Variants in CNTNAP2 observed in about 807,000 individuals in gnomAD.
CNTNAP2 encodes contactin-associated protein-like 2.
CNTNAP2 carries 98 observed loss-of-function variants against 155.2 expected under a neutral mutation model. The observed-to-expected ratio is 0.63, with a 90% confidence interval of 0.54 to 0.75. The LOEUF is 0.75. Among genes scored for constraint, CNTNAP2 ranks in the 30% least tolerant of loss-of-function variants. CNTNAP2 has a pLI of 0.00. For missense variants in CNTNAP2, 1,727 were observed against 1,688.1 expected (o/e 1.02, Z -0.40); for synonymous variants, 651 against 631.2 (o/e 1.03, Z -0.47).
chr7:147,381,736 G>T (rs142446259), intron 9 of CNTNAP2, among the ~76,000 whole-genome samples: 2 of 151,732 alleles, frequency 1.3e-5, no homozygotes, highest in African/African-American at 2.4e-5. Flanking sequence ...TCAATTTTAC[G>T]TTCTTGTAAA....
In CNTNAP2 at chr7:148,146,239, G is replaced by A. The variant is rs966207620; in HGVS notation, c.2555-1252G>A. Among the ~76,000 whole-genome samples, 8 of 152,228 alleles carry A rather than the reference G, an allele frequency of 5.3e-5. 1 individual carries two copies. Among genetic ancestry groups the A allele is most frequent in the South Asian group, 4.1e-4 (2 of 4,836 alleles). ...AAGCTTATTGATGGACAGAGGGGCT[G>A]AATATCTTTATAAGCAAAGTTAGGC... On this transcript the variant is annotated intron_variant, in intron 16 of 23. Transcript: ENST00000361727.
At chr7:146,838,996 A>G (rs1480108428) in intron 2 of CNTNAP2, among the ~76,000 whole-genome samples, 1 of 152,146 alleles carries the variant, frequency 6.6e-6, no homozygotes, top group Non-Finnish European at 1.5e-5. Context: ...ATTGATCTAT[A>G]TGAGTGCCAT....
rs553364866 is a variant in CNTNAP2, at chr7:147,082,118, T to C, written c.551-26029T>C. 5 of 152,290 alleles carry C rather than the reference T, an allele frequency of 3.3e-5. No individual in the cohort carries two copies. In the East Asian group the frequency reaches 7.7e-4, roughly 24 times the overall value. 9.4% of individuals were successfully genotyped at this position (152,290 alleles called of 1,614,324 possible). ...GAAAAAAAAGAAAGGTAAAGGGTGT[T>C]GAATTCAGCCACTGGCTGGGCTTTG... is the stretch of plus-strand genomic sequence containing the variant. On this transcript the variant is annotated intron_variant, in intron 4 of 23. Transcript: ENST00000361727.
At chr7:147,329,714 C>T (rs1795522439) in intron 9 of CNTNAP2, among the ~76,000 whole-genome samples, 1 of 149,922 alleles carries the variant, frequency 6.7e-6, no homozygotes, top group South Asian at 2.2e-4. Flanking sequence ...ATGGTTCTTA[C>T]TTAGTATATC....
chr7:146,186,553 ATAACT>A (rs1374452541), intron 1 of CNTNAP2, among the ~76,000 whole-genome samples: 7 of 152,338 alleles, frequency 4.6e-5, no homozygotes, highest in South Asian at 2.1e-4. Context: ...ATAATTAAAA[ATAACT>A]TAATCACTTT....
chr7:146,897,974 CG>C (rs1290443057), intron 3 of CNTNAP2, among the ~76,000 whole-genome samples: 2 of 151,854 alleles, frequency 1.3e-5, no homozygotes, highest in Middle Eastern at 6.8e-3. Context: ...CAGTGAATGC[CG>C]TTTACAAATG....
chr7:147,143,510 C>A (rs528103564), intron 8 of CNTNAP2, among the ~76,000 whole-genome samples: 1 of 152,174 alleles, frequency 6.6e-6, no homozygotes, highest in East Asian at 1.9e-4. Flanking sequence ...CTTTGTCTGT[C>A]CACCTCTGAG....
chr7:147,050,160 TCAGTGAGCTTTCTCCCA>T (rs1799445994), intron 4 of CNTNAP2, among the ~76,000 whole-genome samples: 1 of 152,210 alleles, frequency 6.6e-6, no homozygotes, highest in East Asian at 1.9e-4. Flanking sequence ...GCCTTTTGAT[TCAGTGAGCTTTCTCCCA>T]CAGCGCAGAC....
At chr7:146,489,954 A>G (rs1377883574) in intron 1 of CNTNAP2, among the ~76,000 whole-genome samples, 1 of 152,186 alleles carries the variant, frequency 6.6e-6, no homozygotes, top group African/African-American at 2.4e-5. Context: ...TAAAAAACAA[A>G]TTAGGGAAAG....
At chr7:146,862,996 A>G (rs948542867) in intron 3 of CNTNAP2, among the ~76,000 whole-genome samples, 1 of 152,148 alleles carries the variant, frequency 6.6e-6, no homozygotes, top group East Asian at 1.9e-4. Flanking sequence ...TATTGGATTT[A>G]TATGTTCTTA....
intron 3 of CNTNAP2, among the ~76,000 whole-genome samples, chr7:146,915,044 A>G (rs1308511309): frequency 6.6e-6 from 1 of 152,092 alleles, no homozygotes; most frequent in Non-Finnish European, 1.5e-5. Context: ...GTGGCTTGTC[A>G]GTTATCCCAG....
At chr7:147,711,798 A>G (rs549362590) in intron 13 of CNTNAP2, among the ~76,000 whole-genome samples, 1 of 152,296 alleles carries the variant, frequency 6.6e-6, no homozygotes, top group South Asian at 2.1e-4. Context: ...TCTGCAACAT[A>G]AATACTGTAC....
At position 147,208,405 on chromosome 7, in the gene CNTNAP2, A is replaced by G. The variant is rs1022609628; in HGVS notation, c.1348+75896A>G. ...TCTCTTTATCCTCACTTCAGCTTCC[A>G]TAAGAGCATTTAAAGGTCAGGGAAG... On this transcript the variant is annotated intron_variant, in intron 8 of 23. Transcript: ENST00000361727. Among the ~76,000 whole-genome samples the G allele has an allele frequency of 2.6e-5, 4 of 152,116 alleles. 1 individual carries two copies. The highest frequency in any genetic ancestry group is 2.4e-5 in the African/African-American group (1 of 41,442).
chr7:147,571,857 T>A (rs913625173), intron 12 of CNTNAP2, among the ~76,000 whole-genome samples: 1 of 152,204 alleles, frequency 6.6e-6, no homozygotes, highest in African/African-American at 2.4e-5. Context: ...TCTCTCCTCT[T>A]TCTGTCTCCT....
At chr7:146,720,633 G>GAAGGCCTC (rs1321873470) in intron 1 of CNTNAP2, among the ~76,000 whole-genome samples, 7 of 152,012 alleles carry the variant, frequency 4.6e-5, no homozygotes, top group Admixed American at 2.0e-4. Context: ...ATAAAAAATA[G>GAAGGCCTC]AAATGACACC....
chr7:146,609,960 C>T (rs964588594), intron 1 of CNTNAP2, among the ~76,000 whole-genome samples: 6 of 152,202 alleles, frequency 3.9e-5, no homozygotes, highest in East Asian at 3.9e-4. Flanking sequence ...CCAGACACAG[C>T]GAATCAGAAA....
At chr7:147,601,702 A>T (rs1800950382) in intron 12 of CNTNAP2, among the ~76,000 whole-genome samples, 1 of 149,090 alleles carries the variant, frequency 6.7e-6, no homozygotes, top group African/African-American at 2.4e-5. Flanking sequence ...CATATCTAGA[A>T]ACAATTAATA....
intron 3 of CNTNAP2, among the ~76,000 whole-genome samples, chr7:146,901,870 CTTTTTT>C (rs71165048): frequency 2.3e-5 from 2 of 88,222 alleles, no homozygotes; most frequent in African/African-American, 4.2e-5. Context: ...ATATATGCTC[CTTTTTT>C]TTTTTTTTTT....
chr7:146,151,487 T>G lies in CNTNAP2; in HGVS notation c.97+34514T>G, dbSNP rs1053722687. Among the ~76,000 whole-genome samples, 5 of 150,504 alleles carry G rather than the reference T, an allele frequency of 3.3e-5. No individual in the cohort carries two copies. The East Asian group carries it at 5.9e-4, about 18-fold the overall frequency. On this transcript the variant is annotated intron_variant, in intron 1 of 23. Transcript: ENST00000361727. ...CATTTTATATATAAATGAGATCATGTGGTTTTTGTCTTCCTGTGCCTGGAT... is the reference window on the plus strand; with the variant it reads ...CATTTTATATATAAATGAGATCATGGGGTTTTTGTCTTCCTGTGCCTGGAT...
Sources: allele counts gnomAD v4.1 joint callset (sites outside exome capture counted in the v4.1 genomes callset), GRCh38; gene constraint gnomAD v4.1.1; transcripts MANE v1.5; gene names NCBI Gene and HGNC (gene_info 2026-07-23, HGNC 2026-07-21).